The following KCNH5 variants were observed in gnomAD, a reference collection of about 807,000 sequenced individuals.
The protein encoded by KCNH5 is potassium voltage-gated channel subfamily H member 5.
KCNH5 carries 46 observed loss-of-function variants against 96.1 expected under a neutral mutation model. The ratio of observed to expected loss-of-function variants is 0.48; its 90% CI spans 0.38 to 0.61. KCNH5 has a LOEUF of 0.61. Ranked by LOEUF, KCNH5 falls within the 20% of genes least tolerant of loss-of-function variation. The pLI is 0.00. For missense variants in KCNH5, 907 were observed against 1,225.8 expected, an observed-to-expected ratio of 0.74 and a Z score of 3.88; for synonymous variants, 439 against 449.8, an observed-to-expected ratio of 0.98 and a Z score of 0.30.
intron 8 of KCNH5, among the ~76,000 whole-genome samples, chr14:62,838,743 G>C (rs1887515333): frequency 6.6e-6 from 1 of 152,098 alleles, no homozygotes; most frequent in Admixed American, 6.6e-5. Flanking sequence ...CCCTGTGTGT[G>C]ATCTAAGCCA....
At chr14:62,752,540 T>C (rs1023108031) in intron 10 of KCNH5, among the ~76,000 whole-genome samples, 4 of 152,134 alleles carry the variant, frequency 2.6e-5, no homozygotes, top group East Asian at 1.9e-4. Context: ...TGAAGAAACC[T>C]TGGGCCTTAA....
At chr14:62,717,920 C>T (rs912428958) in intron 10 of KCNH5, among the ~76,000 whole-genome samples, 6 of 152,136 alleles carry the variant, frequency 3.9e-5, no homozygotes, top group Non-Finnish European at 5.9e-5. Context: ...TGGTATACAC[C>T]ACGGAATACT....
rs186307284 is a variant in KCNH5, at chr14:62,958,068, A to C, written c.943-7509T>G. Among the ~76,000 whole-genome samples, 47 of 152,348 alleles carry C rather than the reference A, an allele frequency of 3.1e-4. No individual in the cohort carries two copies. In the East Asian group the frequency reaches 8.9e-3, roughly 29 times the overall value. The stretch of plus-strand genomic sequence containing the variant: ...ATTTCTAGGACAGAACACTGGGGCA[A>C]TATAGATATCGCGTTAATAGAGAGG... On this transcript the variant is annotated intron_variant, in intron 6 of 10. Coordinates refer to ENST00000322893, the MANE Select transcript of KCNH5 (RefSeq NM_139318.5).
intron 6 of KCNH5, among the ~76,000 whole-genome samples, chr14:62,978,586 C>CAA (rs529221170): frequency 4.2e-4 from 34 of 80,674 alleles, no homozygotes; most frequent in Admixed American, 2.3e-3. Context: ...GACTCCGTCT[C>CAA]AAAAAAAAAA....
rs554007869 is a variant in KCNH5, at chr14:62,727,010, T to C, written c.2020-18555A>G. Among the ~76,000 whole-genome samples, 19 of 152,268 alleles carry C rather than the reference T, an allele frequency of 1.2e-4. No homozygotes were observed. The East Asian group carries it at 3.1e-3, about 25-fold the overall frequency. On this transcript the variant is annotated intron_variant, in intron 10 of 10. Transcript: ENST00000322893. ...GCCAGATACAAATGAATACCTATTA[T>C]ATGATTCTATTCAGATAATTCTAAA...
chr14:62,774,161 G>T (rs995028242), intron 10 of KCNH5, among the ~76,000 whole-genome samples: 3 of 152,216 alleles, frequency 2.0e-5, no homozygotes, highest in African/African-American at 4.8e-5. Flanking sequence ...ACAAACAAGA[G>T]TATGACAACA....
At chr14:62,946,514 GT>G (rs111553539) in intron 7 of KCNH5, among the ~76,000 whole-genome samples, 67 of 147,036 alleles carry the variant, frequency 4.6e-4, no homozygotes, top group African/African-American at 9.6e-4. Flanking sequence ...TTTTTGTGTG[GT>G]TTTTTTTTTT....
chr14:63,012,499 T>C (rs1291547474), intron 2 of KCNH5, among the ~76,000 whole-genome samples: 1 of 152,172 alleles, frequency 6.6e-6, no homozygotes, highest in Non-Finnish European at 1.5e-5. Context: ...TGTAACAGTC[T>C]TATAGCAGTT....
intron 10 of KCNH5, among the ~76,000 whole-genome samples, chr14:62,768,196 C>G (rs986518793): frequency 6.8e-6 from 1 of 147,642 alleles, no homozygotes; most frequent in Non-Finnish European, 1.5e-5. Flanking sequence ...ACTCGAACCC[C>G]TTAAATTTAT....
At chr14:62,973,140 C>A (rs977097660) in intron 6 of KCNH5, among the ~76,000 whole-genome samples, 1 of 152,100 alleles carries the variant, frequency 6.6e-6, no homozygotes, top group African/African-American at 2.4e-5. Flanking sequence ...AATCTCTGCA[C>A]CTCCTCAATT....
At chr14:63,045,008 T>C (rs1891895944) in intron 1 of KCNH5, 106 bp downstream of exon 1, 5 of 922,360 alleles carry the variant, frequency 5.4e-6, no homozygotes, top group Non-Finnish European at 8.8e-6. Flanking sequence ...CAGGTAAGGC[T>C]GCCTGCATCC....
chr14:62,932,385 T>A (rs1941473203), intron 7 of KCNH5, among the ~76,000 whole-genome samples: 1 of 141,056 alleles, frequency 7.1e-6, no homozygotes, highest in Admixed American at 7.1e-5. Flanking sequence ...AAACAAAAAC[T>A]CAAAAGAAGG....
At position 63,006,609 on chromosome 14, in the gene KCNH5, C is replaced by T. The variant is rs963334850; in HGVS notation, c.198-137G>A. Reference sequence around the variant, plus strand: ...TTGCTCCTACACAGAATAGTCAAATCATGAGAGGCAGTTCTTGCTTTACAC... The same window carrying T: ...TTGCTCCTACACAGAATAGTCAAATTATGAGAGGCAGTTCTTGCTTTACAC... On this transcript the variant is annotated intron_variant, in intron 2 of 10. Transcript: ENST00000322893. The T allele has an allele frequency of 2.4e-5, 14 of 587,722 alleles. No individual in the cohort carries two copies. In the Admixed American group the frequency reaches 3.9e-4, roughly 16 times the overall value. The allele number at this position is 587,722 out of a possible 1,614,324, so 36.4% of individuals were successfully genotyped here. A position where few individuals can be genotyped will look rare whatever the true frequency, so the allele number is the denominator to read the frequency against.
At chr14:62,867,847 A>G (rs369151099) in intron 7 of KCNH5, among the ~76,000 whole-genome samples, 19 of 152,226 alleles carry the variant, frequency 1.2e-4, no homozygotes, top group African/African-American at 4.1e-4. Context: ...ACATGCTTAC[A>G]TGGTTCCCAC....
intron 4 of KCNH5, among the ~76,000 whole-genome samples, chr14:62,999,850 A>C (rs575594095): frequency 1.3e-5 from 2 of 151,472 alleles, no homozygotes; most frequent in East Asian, 1.9e-4. Flanking sequence ...GTACCCTAAA[A>C]CTTAAAGTAT....
chr14:62,896,980 C>T (rs1450532310), intron 7 of KCNH5, among the ~76,000 whole-genome samples: 2 of 152,150 alleles, frequency 1.3e-5, no homozygotes, highest in Non-Finnish European at 2.9e-5. Flanking sequence ...AAGCAGCCTG[C>T]CTCTCTTTAA....
At chr14:62,914,857 G>A (rs918047985) in intron 7 of KCNH5, among the ~76,000 whole-genome samples, 1 of 152,210 alleles carries the variant, frequency 6.6e-6, no homozygotes, top group African/African-American at 2.4e-5. Context: ...TGCCGAACGT[G>A]CATACCTCGC....
intron 10 of KCNH5, among the ~76,000 whole-genome samples, chr14:62,752,215 G>C (rs896105808): frequency 6.6e-6 from 1 of 151,994 alleles, no homozygotes; most frequent in African/African-American, 2.4e-5. Context: ...CATCTGCATG[G>C]GTCCTAGCTG....
rs564899540 is a variant in KCNH5, at chr14:62,904,822, T to C, written c.1369+45311A>G. ...TGACAAGCCAAATGCATATCCTGCA[T>C]CTGAAATTATGTCTGACTTCTCTAA... is the stretch of plus-strand genomic sequence containing the variant. On this transcript the variant is annotated intron_variant, in intron 7 of 10. Transcript: ENST00000322893. Among the ~76,000 whole-genome samples the C allele has an allele frequency of 5.9e-5, 9 of 152,280 alleles. No individual in the cohort carries two copies. The East Asian group carries it at 1.7e-3, about 29-fold the overall frequency.
Sources: allele counts gnomAD v4.1 joint callset (sites outside exome capture counted in the v4.1 genomes callset), GRCh38; gene constraint gnomAD v4.1.1; transcripts MANE v1.5; gene names NCBI Gene and HGNC (gene_info 2026-07-23, HGNC 2026-07-21).